Variants in PCDH9 observed in about 807,000 individuals in gnomAD.
PCDH9 encodes protocadherin-9.
A neutral mutation model predicts 70.6 loss-of-function variants in PCDH9; 24 were observed. The observed-to-expected ratio is 0.34, with a 90% CI of 0.25 to 0.48. PCDH9 has a LOEUF of 0.48. Ranked by LOEUF, PCDH9 falls within the 20% of genes least tolerant of loss-of-function variation. The pLI, the probability that PCDH9 is intolerant of heterozygous loss-of-function variation, is 0.99. For missense variants in PCDH9, 1,281 were observed against 1,503.6 expected (o/e 0.85, Z 2.45); for synonymous variants, 562 against 558.5 (o/e 1.01, Z -0.09).
At chr13:66,484,535 C>T (rs575742015) in intron 4 of PCDH9, among the ~76,000 whole-genome samples, 1 of 152,282 alleles carries the variant, frequency 6.6e-6, no homozygotes, top group Admixed American at 6.5e-5. Context: ...TCTAGAATAG[C>T]ATATTTCTGG....
chr13:67,107,488 G>A (rs1446950217), intron 2 of PCDH9, among the ~76,000 whole-genome samples: 1 of 152,136 alleles, frequency 6.6e-6, no homozygotes, highest in Non-Finnish European at 1.5e-5. Flanking sequence ...TCTCCACTGA[G>A]GGCTATGGAC....
chr13:66,956,401 A>G (rs1274409319), intron 2 of PCDH9, among the ~76,000 whole-genome samples: 1 of 152,172 alleles, frequency 6.6e-6, no homozygotes, highest in Non-Finnish European at 1.5e-5. Context: ...AGTATTTTTA[A>G]AAAGGTGAGG....
At chr13:66,757,188 T>C (rs2079550572) in intron 3 of PCDH9, among the ~76,000 whole-genome samples, 1 of 152,186 alleles carries the variant, frequency 6.6e-6, no homozygotes, top group Admixed American at 6.5e-5. Flanking sequence ...TTCGGTGCTC[T>C]GTCCCTCTGT....
intron 4 of PCDH9, among the ~76,000 whole-genome samples, chr13:66,507,451 T>A (rs1441803197): frequency 1.3e-5 from 2 of 152,178 alleles, no homozygotes; most frequent in African/African-American, 4.8e-5. Context: ...CCCTCTACTG[T>A]TTCTGGCCTA....
chr13:66,949,139 T>C (rs934641542), intron 2 of PCDH9, among the ~76,000 whole-genome samples: 1 of 152,162 alleles, frequency 6.6e-6, no homozygotes, highest in African/African-American at 2.4e-5. Context: ...GGGTGCTTTA[T>C]TATGCATTCT....
chr13:67,110,880 G>A (rs372072534), intron 2 of PCDH9, among the ~76,000 whole-genome samples: 3 of 152,060 alleles, frequency 2.0e-5, no homozygotes, highest in Non-Finnish European at 4.4e-5. Flanking sequence ...ACCCTGTTTC[G>A]TGTTACAATG....
chr13:66,522,163 A>T (rs555674637), intron 4 of PCDH9, among the ~76,000 whole-genome samples: 1 of 151,544 alleles, frequency 6.6e-6, no homozygotes. Context: ...AAAAAATACC[A>T]ATGTAGAAAA....
chr13:66,495,737 C>T (rs1959106702), intron 4 of PCDH9, among the ~76,000 whole-genome samples: 1 of 152,098 alleles, frequency 6.6e-6, no homozygotes, highest in Admixed American at 6.5e-5. Flanking sequence ...GCCTGTCATC[C>T]CCAAACTGTG....
chr13:66,686,380 G>T (rs978417879), intron 3 of PCDH9, among the ~76,000 whole-genome samples: 2 of 152,040 alleles, frequency 1.3e-5, no homozygotes, highest in Non-Finnish European at 2.9e-5. Context: ...GTTTCCTGAG[G>T]CCTCCCCAAC....
At chr13:67,065,440 T>C (rs2085628425) in intron 2 of PCDH9, among the ~76,000 whole-genome samples, 1 of 152,186 alleles carries the variant, frequency 6.6e-6, no homozygotes, top group African/African-American at 2.4e-5. Context: ...GTTTTAGATA[T>C]CAATTAAACT....
intron 2 of PCDH9, among the ~76,000 whole-genome samples, chr13:67,012,814 C>A (rs562681747): frequency 1.3e-5 from 2 of 151,854 alleles, no homozygotes; most frequent in South Asian, 4.1e-4. Flanking sequence ...CACACTGTAG[C>A]GAAAATTCCG....
chr13:66,546,408 A>T (rs915889152), intron 4 of PCDH9, among the ~76,000 whole-genome samples: 1 of 152,110 alleles, frequency 6.6e-6, no homozygotes, highest in African/African-American at 2.4e-5. Flanking sequence ...TTCAAAAATT[A>T]AAAAACCATT....
intron 2 of PCDH9, among the ~76,000 whole-genome samples, chr13:67,163,306 A>G (rs2088014284): frequency 6.6e-6 from 1 of 152,242 alleles, no homozygotes; most frequent in African/African-American, 2.4e-5. Flanking sequence ...TATGTATTAA[A>G]GAAAGTATCT....
At chr13:66,453,804 C>T (rs149394591) in intron 4 of PCDH9, among the ~76,000 whole-genome samples, 1 of 152,188 alleles carries the variant, frequency 6.6e-6, no homozygotes, top group African/African-American at 2.4e-5. Flanking sequence ...TATTTCTTAA[C>T]TATTACCAAT....
intron 4 of PCDH9, among the ~76,000 whole-genome samples, chr13:66,338,218 C>T (rs1055345437): frequency 7.2e-5 from 11 of 152,006 alleles, no homozygotes; most frequent in Admixed American, 2.6e-4. Flanking sequence ...AACACATTCC[C>T]GCTCTTTCTT....
chr13:66,828,639 C>T (rs2080866257), intron 3 of PCDH9, among the ~76,000 whole-genome samples: 1 of 151,934 alleles, frequency 6.6e-6, no homozygotes. Flanking sequence ...TTTAAATGTC[C>T]ATAAATCACT....
intron 2 of PCDH9, among the ~76,000 whole-genome samples, chr13:66,933,973 T>C (rs1417416893): frequency 6.6e-6 from 1 of 151,256 alleles, no homozygotes; most frequent in East Asian, 1.9e-4. Flanking sequence ...CTACTTAACG[T>C]GTAATCATGC....
chr13:66,377,222 T>C (rs943191950), intron 4 of PCDH9, among the ~76,000 whole-genome samples: 2 of 152,132 alleles, frequency 1.3e-5, no homozygotes, highest in South Asian at 2.1e-4. Flanking sequence ...GTACAGCTCA[T>C]TGTACATTGA....
intron 4 of PCDH9, among the ~76,000 whole-genome samples, chr13:66,495,528 T>G (rs2138544334): frequency 6.6e-6 from 1 of 152,286 alleles, no homozygotes; most frequent in East Asian, 1.9e-4. Flanking sequence ...TGATTCAACA[T>G]AGTGCTTTGG....
Sources: gnomAD v4.1 joint callset for allele counts (sites outside exome capture counted in the v4.1 genomes callset) on GRCh38, gnomAD v4.1.1 for gene constraint, MANE v1.5 for transcripts, NCBI Gene and HGNC (gene_info 2026-07-23, HGNC 2026-07-21) for gene names.